UNC5C: variants seen among roughly 807,000 people sequenced by gnomAD.
The protein encoded by UNC5C is unc-5 netrin receptor C.
A neutral mutation model predicts 99.8 loss-of-function variants in UNC5C; 47 were observed. The ratio of observed to expected loss-of-function variants is 0.47; its 90% confidence interval spans 0.37 to 0.60. UNC5C has a LOEUF of 0.60. Ranked by LOEUF, UNC5C falls within the 20% of genes least tolerant of loss-of-function variation. The probability of loss-of-function intolerance (pLI) is 0.00; values close to 1 mark genes in which losing one functional copy is unlikely to be tolerated. For missense variants in UNC5C, 1,062 were observed against 1,165.9 expected (o/e 0.91, Z 1.30); for synonymous variants, 487 against 452.2 (o/e 1.08, Z -0.98).
chr4:95,445,462 T>C lies in UNC5C; in HGVS notation c.124+103272A>G, dbSNP rs370304296. 4.6e-5 allele frequency among the ~76,000 whole-genome samples: 7 copies of C among 152,142 alleles called. No individual in the cohort carries two copies. In the East Asian group the frequency reaches 7.7e-4, roughly 17 times the overall value. ...ATTCCGCTCTTGATAACAACAGTCCTGTAGAATTGGCTTTTTAAAAATAGT... is the reference window on the plus strand; with the variant it reads ...ATTCCGCTCTTGATAACAACAGTCCCGTAGAATTGGCTTTTTAAAAATAGT... On this transcript the variant is annotated intron_variant, in intron 1 of 15. Transcript: ENST00000453304.
At chr4:95,336,207 T>A (rs888357854) in intron 1 of UNC5C, among the ~76,000 whole-genome samples, 1 of 151,944 alleles carries the variant, frequency 6.6e-6, no homozygotes, top group Non-Finnish European at 1.5e-5. Flanking sequence ...TTTGCACACT[T>A]TGAGATACAT....
chr4:95,366,082 G>A (rs1460241092), intron 1 of UNC5C, among the ~76,000 whole-genome samples: 18 of 152,192 alleles, frequency 1.2e-4, no homozygotes, highest in Non-Finnish European at 8.8e-5. Context: ...AAAGGGCCTG[G>A]AGTTACCTAC....
At chr4:95,375,022 CAT>C (rs1416924052) in intron 1 of UNC5C, among the ~76,000 whole-genome samples, 6 of 152,090 alleles carry the variant, frequency 3.9e-5, no homozygotes, top group Non-Finnish European at 8.8e-5. Context: ...GTTAGAGTAA[CAT>C]GTAGTAAAAA....
At chr4:95,226,025 G>A (rs900343655) in intron 7 of UNC5C, among the ~76,000 whole-genome samples, 1 of 152,110 alleles carries the variant, frequency 6.6e-6, no homozygotes, top group Non-Finnish European at 1.5e-5. Flanking sequence ...CGGAACAACA[G>A]GGAACATTTT....
chr4:95,384,831 C>A (rs888914301), intron 1 of UNC5C, among the ~76,000 whole-genome samples: 5 of 152,124 alleles, frequency 3.3e-5, no homozygotes, highest in African/African-American at 1.2e-4. Context: ...GAAGAGGGAA[C>A]AAAATTTAAG....
At chr4:95,448,227 T>TGAGAGAGAGAGAGAGAGAGAGAGAGAGA (rs1208781802) in intron 1 of UNC5C, among the ~76,000 whole-genome samples, 8 of 100,142 alleles carry the variant, frequency 8.0e-5, no homozygotes, top group African/African-American at 2.8e-4. Flanking sequence ...TGTGTGTGTG[T>TGAGAGAGAGAGAGAGAGAGAGAGAGAGA]GAGAGAGAGA....
chr4:95,188,089 C>G (rs1446318307), intron 12 of UNC5C, among the ~76,000 whole-genome samples: 1 of 152,162 alleles, frequency 6.6e-6, no homozygotes, highest in African/African-American at 2.4e-5. Flanking sequence ...ATTAATCTGT[C>G]TTAGCATAAA....
chr4:95,485,928 A>G (rs1171539526), intron 1 of UNC5C, among the ~76,000 whole-genome samples: 2 of 151,732 alleles, frequency 1.3e-5, no homozygotes, highest in Non-Finnish European at 2.9e-5. Context: ...TTTTCCATTA[A>G]GAATTAAGAA....
chr4:95,283,914 T>C (rs889247465), intron 3 of UNC5C, among the ~76,000 whole-genome samples: 2 of 152,248 alleles, frequency 1.3e-5, no homozygotes, highest in African/African-American at 2.4e-5. Context: ...TCGTCATATG[T>C]ATGCTTTCAG....
chr4:95,188,387 T>C (rs1736919372), intron 12 of UNC5C, among the ~76,000 whole-genome samples: 1 of 152,176 alleles, frequency 6.6e-6, no homozygotes, highest in Non-Finnish European at 1.5e-5. Context: ...TCTCAGTCGA[T>C]CATCCAGCAA....
intron 7 of UNC5C, among the ~76,000 whole-genome samples, 164 bp downstream of exon 7, chr4:95,242,265 G>A (rs950324644): frequency 1.3e-5 from 2 of 152,144 alleles, no homozygotes; most frequent in African/African-American, 4.8e-5. Context: ...CTGGTTCCTG[G>A]AAAATTCGCT....
intron 14 of UNC5C, among the ~76,000 whole-genome samples, chr4:95,175,221 T>TGTAAA (rs1736286139): frequency 6.6e-6 from 1 of 151,170 alleles, no homozygotes; most frequent in Non-Finnish European, 1.5e-5. Context: ...TGTCTTTTAA[T>TGTAAA]TGGAGCATTT....
At chr4:95,328,531 T>G (rs1046295118) in intron 2 of UNC5C, among the ~76,000 whole-genome samples, 1 of 141,886 alleles carries the variant, frequency 7.0e-6, no homozygotes, top group Admixed American at 7.6e-5. Context: ...AACATACGTG[T>G]GCATGTGTCT....
intron 4 of UNC5C, among the ~76,000 whole-genome samples, chr4:95,253,849 G>A (rs1292761462): frequency 6.6e-6 from 1 of 152,122 alleles, no homozygotes; most frequent in Non-Finnish European, 1.5e-5. Context: ...AATACCAGGG[G>A]CTACACATCA....
chr4:95,189,794 T>C (rs1313918825), intron 12 of UNC5C, among the ~76,000 whole-genome samples: 11 of 152,226 alleles, frequency 7.2e-5, no homozygotes, highest in Non-Finnish European at 1.0e-4. Context: ...CAATGAGATA[T>C]CATCTCACAC....
At chr4:95,248,635 T>G (rs2149381178) in intron 5 of UNC5C, 1 of 449,608 alleles carries the variant, frequency 2.2e-6, no homozygotes, top group African/African-American at 2.0e-5. Context: ...CAGAAAATAG[T>G]CAATATGCCA....
rs540819683 is a variant in UNC5C, at chr4:95,350,494, A to C, written c.125-14863T>G. 1.8e-3 allele frequency among the ~76,000 whole-genome samples: 269 copies of C among 152,186 alleles called. 1 individual carries two copies. The highest frequency in any genetic ancestry group is 6.8e-3 in the Middle Eastern group (2 of 294). ...GAGCAAGACTCCGTCTCAAAAAAAA[A>C]AAAGTTCTACCATTTCCTTACTCCC... On this transcript the variant is annotated intron_variant, in intron 1 of 15. Coordinates refer to ENST00000453304, the MANE Select transcript of UNC5C (RefSeq NM_003728.4).
At chr4:95,424,161 G>C (rs1178751107) in intron 1 of UNC5C, among the ~76,000 whole-genome samples, 1 of 152,084 alleles carries the variant, frequency 6.6e-6, no homozygotes, top group Non-Finnish European at 1.5e-5. Context: ...CATATTGAAT[G>C]TTGAAGACCC....
At chr4:95,419,071 A>G (rs189187857) in intron 1 of UNC5C, among the ~76,000 whole-genome samples, 258 of 152,336 alleles carry the variant, frequency 1.7e-3, no homozygotes, top group Middle Eastern at 6.8e-3. Flanking sequence ...GAATTGAAAT[A>G]ATATAAACAA....
Sources: gnomAD v4.1 joint callset for allele counts (sites outside exome capture counted in the v4.1 genomes callset) on GRCh38, gnomAD v4.1.1 for gene constraint, MANE v1.5 for transcripts, NCBI Gene and HGNC (gene_info 2026-07-23, HGNC 2026-07-21) for gene names.